BCAS1: variants seen among roughly 807,000 people sequenced by gnomAD.
BCAS1 encodes breast carcinoma-amplified sequence 1.
Under a neutral mutation model 65.4 loss-of-function variants are expected in BCAS1, and 46 were observed. That is an observed-to-expected ratio of 0.70 (90% confidence interval 0.55 to 0.90). BCAS1 has a LOEUF of 0.90. Among genes scored for constraint, BCAS1 ranks in the 40% least tolerant of loss-of-function variants. BCAS1 has a pLI of 0.00. For synonymous variants in BCAS1, 298 were observed against 293.5 expected (o/e 1.02, Z -0.16); for missense variants, 793 against 771.2 (o/e 1.03, Z -0.33).
chr20:54,058,798 G>A lies in BCAS1; in HGVS notation c.-5-75C>T, dbSNP rs2092338388. ...AAGCTACATGTGCTACTAAGGTGCA[G>A]AGGCCTGACAAGCCGCCCATGGCTG... is the stretch of plus-strand genomic sequence containing the variant. On this transcript the variant is annotated intron_variant, in intron 1 of 12. Transcript: ENST00000688948. The A allele has an allele frequency of 1.8e-5, 28 of 1,564,324 alleles. No individual in the cohort carries two copies. The South Asian group carries it at 2.1e-4, about 12-fold the overall frequency.
rs3043223 is a variant in BCAS1, at chr20:54,058,593, C to CTTTTTTT, written c.72+47_72+53dup. ...ACACACTTGTCAAATACAGGAAGTT[C>CTTTTTTT]TTTTTTTTTTTTTTTTTTTTCTGCT... On this transcript the variant is annotated intron_variant, in intron 2 of 12. Transcript: ENST00000688948. The CTTTTTTT allele has an allele frequency of 3.4e-4, 414 of 1,224,614 alleles. 4 individuals are homozygous for CTTTTTTT. The highest frequency in any genetic ancestry group is 1.7e-3 in the South Asian group (113 of 64,768). The allele number at this position is 1,224,614 out of a possible 1,614,324, so 75.9% of individuals were successfully genotyped here.
At chr20:54,002,071 G>C (rs1352419129) in intron 4 of BCAS1, among the ~76,000 whole-genome samples, 13 of 151,256 alleles carry the variant, frequency 8.6e-5, no homozygotes, top group African/African-American at 2.9e-4. Flanking sequence ...GTCTTTGCTA[G>C]TTTCCTCATA....
chr20:53,944,987 G>T lies in BCAS1; in HGVS notation c.1825C>A (p.Arg609=). ...GTTTGCACTTGAGCATCCAACATCC[G>T]CTTTGGTCCCTGGAGAAAAACAGAA... ...GGFFKGLGPK[R]MLDAQVQTDP... is the part of the protein sequence containing the mutation. Residue 609 remains arginine (R), a synonymous_variant, in exon 13 of 13, where the codon CGG becomes AGG. Coordinates refer to ENST00000688948, the MANE Select transcript of BCAS1 (RefSeq NM_001366298.2). 6.2e-7 allele frequency: 1 copy of T among 1,614,026 alleles called. No homozygotes were observed. The highest frequency in any genetic ancestry group is 1.3e-5 in the African/African-American group (1 of 75,028).
intron 3 of BCAS1, among the ~76,000 whole-genome samples, chr20:54,048,885 G>A (rs1387480364): frequency 1.3e-5 from 2 of 152,130 alleles, no homozygotes; most frequent in African/African-American, 4.8e-5. Context: ...GCTGAGCTCT[G>A]GGACCCTCAT....
At chr20:53,964,372 T>C (rs943586985) in intron 10 of BCAS1, among the ~76,000 whole-genome samples, 12 of 152,174 alleles carry the variant, frequency 7.9e-5, no homozygotes, top group Admixed American at 3.3e-4. Context: ...AGTATAAATA[T>C]AGTGTTGTAA....
At chr20:53,962,925 A>G (rs2089921976) in intron 10 of BCAS1, among the ~76,000 whole-genome samples, 1 of 151,960 alleles carries the variant, frequency 6.6e-6, no homozygotes, top group South Asian at 2.1e-4. Context: ...ATCTCAGCTC[A>G]CTGCAAGCTC....
At chr20:54,053,972 A>G (rs2092258475) in intron 3 of BCAS1, among the ~76,000 whole-genome samples, 1 of 152,248 alleles carries the variant, frequency 6.6e-6, no homozygotes, top group African/African-American at 2.4e-5. Flanking sequence ...AAGAGGTTTA[A>G]TGGACTTACA....
At chr20:53,999,460 C>T (rs1014685061) in intron 4 of BCAS1, among the ~76,000 whole-genome samples, 3 of 152,208 alleles carry the variant, frequency 2.0e-5, no homozygotes, top group Non-Finnish European at 2.9e-5. Flanking sequence ...TTTGTTTTTG[C>T]CTAAGTAGCA....
intron 1 of BCAS1, among the ~76,000 whole-genome samples, chr20:54,067,427 C>T (rs1244075982): frequency 6.6e-6 from 1 of 152,202 alleles, no homozygotes; most frequent in African/African-American, 2.4e-5. Flanking sequence ...TGAAGGGTCA[C>T]TGATAATCAC....
At chr20:54,061,645 C>T (rs534861841) in intron 1 of BCAS1, among the ~76,000 whole-genome samples, 1 of 152,172 alleles carries the variant, frequency 6.6e-6, no homozygotes, top group Non-Finnish European at 1.5e-5. Context: ...ATGGATCTCA[C>T]CATGTGTTCT....
intron 1 of BCAS1, among the ~76,000 whole-genome samples, chr20:54,065,113 C>CATCTATCTATCT (rs5841974): frequency 0.019 from 2,782 of 144,252 alleles, 37 homozygotes; most frequent in East Asian, 0.027. Context: ...ATCTATCTAT[C>CATCTATCTATCT]ATCTATCTAT....
intron 6 of BCAS1, among the ~76,000 whole-genome samples, chr20:53,994,130 C>G (rs1401868857): frequency 6.6e-6 from 1 of 152,332 alleles, no homozygotes; most frequent in South Asian, 2.1e-4. Flanking sequence ...TCACAGCCAG[C>G]TCCTTCACAT....
chr20:54,002,573 C>G (rs2091082942), intron 4 of BCAS1, among the ~76,000 whole-genome samples: 1 of 152,108 alleles, frequency 6.6e-6, no homozygotes, highest in Non-Finnish European at 1.5e-5. Flanking sequence ...CAATGAGGAT[C>G]AAATCAGGTC....
At chr20:54,037,057 T>C (rs2091911414) in intron 3 of BCAS1, among the ~76,000 whole-genome samples, 1 of 151,210 alleles carries the variant, frequency 6.6e-6, no homozygotes, top group Non-Finnish European at 1.5e-5. Flanking sequence ...ATTATCTTTT[T>C]TTTTTCATGT....
intron 9 of BCAS1, among the ~76,000 whole-genome samples, chr20:53,973,588 T>A (rs2090241103): frequency 6.6e-6 from 1 of 152,222 alleles, no homozygotes; most frequent in Admixed American, 6.5e-5. Flanking sequence ...AAGTTTTTCT[T>A]TAGAAAACTC....
rs191284678 is a variant in BCAS1, at chr20:54,017,540, C to T, written c.723+10852G>A. 4.4e-3 allele frequency among the ~76,000 whole-genome samples: 671 copies of T among 151,902 alleles called. 12 individuals are homozygous for T. Among genetic ancestry groups the T allele is most frequent in the African/African-American group, 0.016 (645 of 41,398 alleles). On this transcript the variant is annotated intron_variant, in intron 4 of 12. Transcript: ENST00000688948. The stretch of plus-strand genomic sequence containing the variant: ...CTTCCTGAGTAGCTGAGATTATAGG[C>T]GTGCACCACCATGCTTGGCTAATTT...
In BCAS1 at chr20:53,954,343, G is replaced by T. The variant is rs1404963815; in HGVS notation, c.1552-648C>A. Among the ~76,000 whole-genome samples, 4 of 146,460 alleles carry T rather than the reference G, an allele frequency of 2.7e-5. No individual in the cohort carries two copies. In the East Asian group the frequency reaches 7.9e-4, roughly 29 times the overall value. On this transcript the variant is annotated intron_variant, in intron 11 of 12. Coordinates refer to ENST00000688948, the MANE Select transcript of BCAS1 (RefSeq NM_001366298.2). ...AGAGAGAGAGAGAGAGAGGGACCAGGCATTGATGGTATCATGCGTGCCTCC... is the reference window on the plus strand; with the variant it reads ...AGAGAGAGAGAGAGAGAGGGACCAGTCATTGATGGTATCATGCGTGCCTCC...
At chr20:54,065,299 C>T (rs1347461050) in intron 1 of BCAS1, among the ~76,000 whole-genome samples, 3 of 152,172 alleles carry the variant, frequency 2.0e-5, no homozygotes, top group South Asian at 2.1e-4. Flanking sequence ...TCCTATTCCT[C>T]GATGACTTAC....
intron 3 of BCAS1, among the ~76,000 whole-genome samples, chr20:54,052,865 G>A (rs572155813): frequency 3.9e-5 from 6 of 152,262 alleles, no homozygotes; most frequent in Admixed American, 3.3e-4. Context: ...AACAGATTAC[G>A]AGACCATTGT....
Sources: gnomAD v4.1 joint callset for allele counts (sites outside exome capture counted in the v4.1 genomes callset) on GRCh38, gnomAD v4.1.1 for gene constraint, MANE v1.5 for transcripts, NCBI Gene and HGNC (gene_info 2026-07-23, HGNC 2026-07-21) for gene names.